GPR137: variants seen among roughly 807,000 people sequenced by gnomAD.
GPR137 encodes G protein-coupled receptor 137.
GPR137 carries 20 observed loss-of-function variants against 38.9 expected under a neutral mutation model. That is an observed-to-expected ratio of 0.51 (90% CI 0.36 to 0.75). The LOEUF (loss-of-function observed/expected upper bound fraction) is 0.75. GPR137 is among the 30% of genes least tolerant of loss of function. GPR137 has a pLI of 0.00. For missense variants in GPR137, 456 were observed against 526.4 expected (o/e 0.87, Z 1.31); for synonymous variants, 226 against 235.8 (o/e 0.96, Z 0.38).
upstream of GPR137, chr11:64,285,541 C>T: frequency 1.0e-6 from 1 of 984,670 alleles, no homozygotes; most frequent in South Asian, 4.7e-5. Context: ...CCGCCCCCGG[C>T]CGGGCGGCAC....
upstream of GPR137, chr11:64,285,625 G>A: frequency 5.5e-5 from 54 of 985,146 alleles, no homozygotes; most frequent in Non-Finnish European, 6.4e-5. Context: ...CGGGCGGCAC[G>A]GGGCACGGCC....
chr11:64,284,461 C>T, upstream of GPR137: 2 of 1,598,002 alleles, frequency 1.3e-6, no homozygotes, highest in East Asian at 2.2e-5. Flanking sequence ...CCCTGGCTTC[C>T]TCTCCCACCG....
upstream of GPR137, among the ~76,000 whole-genome samples, chr11:64,282,997 T>A (rs1018198534): frequency 6.6e-6 from 1 of 151,970 alleles, no homozygotes; most frequent in Non-Finnish European, 1.5e-5. Context: ...CGGGCTGCAG[T>A]GAGCTGAGAT....
upstream of GPR137, among the ~76,000 whole-genome samples, chr11:64,281,703 C>A (rs879673973): frequency 6.6e-6 from 1 of 152,210 alleles, no homozygotes; most frequent in Non-Finnish European, 1.5e-5. Context: ...TCACTCCCCC[C>A]GCCCCTGTGA....
At chr11:64,276,276 A>G (rs1020092082) in intron 1 of GPR137, 4 of 147,392 alleles carry the variant, frequency 2.7e-5, no homozygotes, top group African/African-American at 7.5e-5. Context: ...ACATATATTT[A>G]TGTGTGTGTG....
intron 2 of GPR137, among the ~76,000 whole-genome samples, chr11:64,277,228 G>A (rs1291885163): frequency 6.6e-6 from 1 of 152,198 alleles, no homozygotes; most frequent in Non-Finnish European, 1.5e-5. Context: ...GCTGCCGGGG[G>A]AGGCTGACGT....
At chr11:64,287,588 G>A in intron 2 of GPR137, 133 bp from the exon 3 acceptor site, 1 of 1,488,302 alleles carries the variant, frequency 6.7e-7, no homozygotes, top group Non-Finnish European at 9.0e-7. Flanking sequence ...TTCTCCATCT[G>A]TAAGAGTGGA....
chr11:64,285,217 C>T (rs1565354963), upstream of GPR137: 3 of 987,796 alleles, frequency 3.0e-6, no homozygotes, highest in Non-Finnish European at 3.6e-6. Context: ...GCGCCGCCCG[C>T]CTCGGGGGAC....
rs1482858730 is a variant in GPR137 at position 64,286,991 on chromosome 11, T to TA, written c.384_385insA (p.Arg129ThrfsTer77). On this transcript the variant is annotated frameshift_variant, in exon 2 of 7. Transcript: ENST00000438980. LOFTEE classifies it high-confidence loss of function. ...TGGTGTTCAAGGCCAAGGTGAAGCG[T>TA]CGGCCGGAGATGAGCCGAGGCTTGT... 1 of 1,613,764 alleles carries TA rather than the reference T, an allele frequency of 6.2e-7. No homozygotes were observed. Among genetic ancestry groups the TA allele is most frequent in the Non-Finnish European group, 8.5e-7 (1 of 1,179,960 alleles).
chr11:64,276,909 G>C lies in GPR137; in HGVS notation c.-16+488G>C, dbSNP rs755515764. ...CCCAGGCCCCAGCATGGCACCTCTA[G>C]CTTTACATTCTCTGCGTGTTGGGCT... On this transcript the variant is annotated intron_variant, in intron 2 of 2. Coordinates refer to the GPR137 transcript ENST00000538244. 1.1e-5 allele frequency: 8 copies of C among 761,412 alleles called. No homozygotes were observed. In the East Asian group the frequency reaches 2.0e-4, roughly 19 times the overall value. The allele number at this position is 761,412 out of a possible 1,614,324, so 47.2% of individuals were successfully genotyped here.
chr11:64,288,953 G>T lies in GPR137; in HGVS notation c.1032-84G>T. On this transcript the variant is annotated intron_variant, in intron 6 of 6. Transcript: ENST00000438980. This position sits in a 1 kb window ranked among gnomAD's most constrained non-coding sequence, Gnocchi z 5.5. ...CGAAGGTCTAGGTCACAGGGGTTCTGTTCTAAGCCTGTCTTCCTCCTGCAG... is the reference window on the plus strand; with the variant it reads ...CGAAGGTCTAGGTCACAGGGGTTCTTTTCTAAGCCTGTCTTCCTCCTGCAG... The T allele has an allele frequency of 2.1e-6, 3 of 1,461,058 alleles. No homozygotes were observed. Among genetic ancestry groups the T allele is most frequent in the Non-Finnish European group, 2.7e-6 (3 of 1,109,434 alleles). The allele number at this position is 1,461,058 out of a possible 1,614,324, so 90.5% of individuals were successfully genotyped here.
intron 1 of GPR137, chr11:64,270,670 C>T: frequency 1.8e-6 from 1 of 568,776 alleles, no homozygotes; most frequent in Non-Finnish European, 3.3e-6. Context: ...TGGTGAGCGC[C>T]TGTAATCCCA....
In GPR137 at chr11:64,286,271, G is replaced by C; in HGVS notation, c.-254G>C. 1 of 1,337,306 alleles carries C rather than the reference G, an allele frequency of 7.5e-7. No homozygotes were observed. Among genetic ancestry groups the C allele is most frequent in the Non-Finnish European group, 9.6e-7 (1 of 1,046,310 alleles). The allele number at this position is 1,337,306 out of a possible 1,614,324, so 82.8% of individuals were successfully genotyped here. A position where few individuals can be genotyped will look rare whatever the true frequency, so the allele number is the denominator to read the frequency against. ...GAGGAGACACCCCCAACCCCTATCCGGTCTGTCCTGGAGAAAAGAGACTGC... is the reference window on the plus strand; with the variant it reads ...GAGGAGACACCCCCAACCCCTATCCCGTCTGTCCTGGAGAAAAGAGACTGC... On this transcript the variant is annotated 5_prime_UTR_variant, in exon 1 of 7. Coordinates refer to ENST00000438980, the MANE Select transcript of GPR137 (RefSeq NM_001170880.2).
exon 1 of GPR137, chr11:64,275,696 A>AC (rs1192312362): frequency 6.6e-6 from 1 of 152,066 alleles, no homozygotes; most frequent in African/African-American, 2.4e-5. Context: ...GTTCTCCTCC[A>AC]CTAGCTCTGA....
upstream of GPR137, chr11:64,284,652 C>T (rs981928957): frequency 3.8e-5 from 59 of 1,533,680 alleles, no homozygotes; most frequent in African/African-American, 1.1e-4. Context: ...TCTCGAGGCC[C>T]CTGACCCGGG....
upstream of GPR137, chr11:64,285,725 C>T (rs2033907763): frequency 2.0e-6 from 2 of 985,396 alleles, no homozygotes; most frequent in East Asian, 1.1e-4. Flanking sequence ...GCCAGCGGCG[C>T]AGCTCGCGCC....
chr11:64,284,307 C>A (rs1251482496), upstream of GPR137: 2 of 1,612,324 alleles, frequency 1.2e-6, no homozygotes, highest in East Asian at 4.5e-5. Context: ...GGGGCCCAGG[C>A]CCCTCTCTGC....
upstream of GPR137, among the ~76,000 whole-genome samples, chr11:64,273,889 G>T (rs1235893244): frequency 1.4e-5 from 2 of 146,906 alleles, no homozygotes; most frequent in African/African-American, 2.5e-5. Flanking sequence ...AAGAGAGGCA[G>T]GTAGGGAAAC....
rs749032940 is a variant in GPR137 at position 64,288,856 on chromosome 11, AG to A, written c.1031+137del. On this transcript the variant is annotated intron_variant, in intron 6 of 6. Transcript: ENST00000438980. This position sits in a 1 kb window ranked among gnomAD's most constrained non-coding sequence, Gnocchi z 5.5. ...TGGCCTTTGCTTCCCCATCTGTACT[AG>A]GTGAGGTCCCCTGGGTTCCTATTGC... 14 of 1,443,096 alleles carry A rather than the reference AG, an allele frequency of 9.7e-6. No homozygotes were observed. Among genetic ancestry groups the A allele is most frequent in the Non-Finnish European group, 1.3e-5 (14 of 1,104,386 alleles). The allele number at this position is 1,443,096 out of a possible 1,614,324, so 89.4% of individuals were successfully genotyped here.
Sources: gnomAD v4.1 joint callset for allele counts (sites outside exome capture counted in the v4.1 genomes callset) on GRCh38, gnomAD v4.1.1 for gene constraint, Gnocchi (gnomAD v3.1) non-coding constraint, MANE v1.5 for transcripts, NCBI Gene and HGNC (gene_info 2026-07-23, HGNC 2026-07-21) for gene names.